CNTNAP2: variants seen among roughly 807,000 people sequenced by gnomAD.
CNTNAP2 encodes contactin-associated protein-like 2.
CNTNAP2 carries 98 observed loss-of-function variants against 155.2 expected under a neutral mutation model. The ratio of observed to expected loss-of-function variants is 0.63; its 90% CI spans 0.54 to 0.75. The LOEUF (loss-of-function observed/expected upper bound fraction) is 0.75, where lower values mean the gene tolerates loss of function less well. Among genes scored for constraint, CNTNAP2 ranks in the 30% least tolerant of loss-of-function variants. The pLI is 0.00. For missense variants in CNTNAP2, 1,727 were observed against 1,688.1 expected (o/e 1.02, Z -0.40); for synonymous variants, 651 against 631.2 (o/e 1.03, Z -0.47).
intron 10 of CNTNAP2, among the ~76,000 whole-genome samples, chr7:147,477,476 T>G (rs182001448): frequency 6.6e-6 from 1 of 152,262 alleles, no homozygotes; most frequent in East Asian, 1.9e-4. Context: ...CTTGGAGCAT[T>G]AAAATAGCTG....
At chr7:146,946,473 C>T (rs1797176337) in intron 3 of CNTNAP2, among the ~76,000 whole-genome samples, 1 of 151,618 alleles carries the variant, frequency 6.6e-6, no homozygotes, top group South Asian at 2.1e-4. Flanking sequence ...ATAAAGTATC[C>T]AAAACAAAAA....
chr7:147,256,627 C>A (rs1804334597), intron 8 of CNTNAP2, among the ~76,000 whole-genome samples: 1 of 152,024 alleles, frequency 6.6e-6, no homozygotes, highest in Non-Finnish European at 1.5e-5. Flanking sequence ...ACTAGGCATA[C>A]TTCATAAAAT....
At chr7:147,249,627 G>GAAAAAAAAAAAAAAAAAAAAAAAAAAA (rs1464227999) in intron 8 of CNTNAP2, among the ~76,000 whole-genome samples, 1 of 60,022 alleles carries the variant, frequency 1.7e-5, no homozygotes, top group African/African-American at 6.9e-5. Context: ...AAAAAAAAAG[G>GAAAAAAAAAAAAAAAAAAAAAAAAAAA]TTTCAGCACC....
At chr7:146,443,227 AAAT>A (rs1190907270) in intron 1 of CNTNAP2, among the ~76,000 whole-genome samples, 3 of 133,550 alleles carry the variant, frequency 2.2e-5, no homozygotes, top group South Asian at 2.2e-4. Flanking sequence ...ATAAATAAAT[AAAT>A]AATAAATAAA....
intron 1 of CNTNAP2, among the ~76,000 whole-genome samples, chr7:146,145,595 A>T (rs186003982): frequency 1.4e-4 from 22 of 152,296 alleles, no homozygotes; most frequent in African/African-American, 5.3e-4. Context: ...ATGGAGAAAT[A>T]AGAATTGTTT....
chr7:146,971,365 T>C (rs1467664358), intron 3 of CNTNAP2, among the ~76,000 whole-genome samples: 1 of 152,166 alleles, frequency 6.6e-6, no homozygotes, highest in Non-Finnish European at 1.5e-5. Flanking sequence ...AAGGCTTTCT[T>C]TTGAGGAAAA....
At position 148,043,178 on chromosome 7, in the gene CNTNAP2, A is replaced by G. The variant is rs888216756; in HGVS notation, c.2383+65189A>G. Among the ~76,000 whole-genome samples, 10 of 152,204 alleles carry G rather than the reference A, an allele frequency of 6.6e-5. 1 individual carries two copies. Among genetic ancestry groups the G allele is most frequent in the Admixed American group, 5.9e-4 (9 of 15,282 alleles). On this transcript the variant is annotated intron_variant, in intron 15 of 23. Transcript: ENST00000361727. Reference sequence around the variant, plus strand: ...CACAGTGTCACTAACTCAGAATTAAATATGTTGCTAAACCACTTTACAGCC... The same window carrying G: ...CACAGTGTCACTAACTCAGAATTAAGTATGTTGCTAAACCACTTTACAGCC...
chr7:147,171,306 C>T (rs1802221386), intron 8 of CNTNAP2, among the ~76,000 whole-genome samples: 1 of 152,158 alleles, frequency 6.6e-6, no homozygotes, highest in Non-Finnish European at 1.5e-5. Context: ...GGTATTTTCT[C>T]TCTGAAGATC....
chr7:147,862,652 C>A (rs1799156287), intron 13 of CNTNAP2, among the ~76,000 whole-genome samples: 1 of 151,992 alleles, frequency 6.6e-6, no homozygotes, highest in Non-Finnish European at 1.5e-5. Flanking sequence ...TACACACACA[C>A]ACATATACAC....
intron 20 of CNTNAP2, among the ~76,000 whole-genome samples, chr7:148,262,469 A>G (rs1796580231): frequency 6.6e-6 from 1 of 152,202 alleles, no homozygotes; most frequent in Non-Finnish European, 1.5e-5. Flanking sequence ...GGCTGAAGTC[A>G]ATCAGAAAGG....
At chr7:146,880,041 A>T (rs34851495) in intron 3 of CNTNAP2, among the ~76,000 whole-genome samples, 58,797 of 151,580 alleles carry the variant, frequency 0.39, 11,564 homozygotes, top group East Asian at 0.48. Flanking sequence ...GTGGGATACC[A>T]CTCCCATGAT....
chr7:148,145,599 G>T (rs906854645), intron 16 of CNTNAP2, among the ~76,000 whole-genome samples: 2 of 152,164 alleles, frequency 1.3e-5, no homozygotes, highest in Admixed American at 1.3e-4. Flanking sequence ...TTCTCTTGCT[G>T]TTCTGACAAC....
At chr7:147,823,235 T>A (rs1798389286) in intron 13 of CNTNAP2, among the ~76,000 whole-genome samples, 1 of 152,190 alleles carries the variant, frequency 6.6e-6, no homozygotes, top group East Asian at 1.9e-4. Flanking sequence ...GCAGCCACAG[T>A]TGCAGGAAAC....
chr7:146,654,540 ATAT>A (rs534315441), intron 1 of CNTNAP2, among the ~76,000 whole-genome samples: 10 of 152,296 alleles, frequency 6.6e-5, no homozygotes, highest in Middle Eastern at 6.8e-3. Context: ...ATTAAGAATA[ATAT>A]TATTTGTATC....
intron 21 of CNTNAP2, among the ~76,000 whole-genome samples, chr7:148,315,392 C>A (rs553447214): frequency 2.6e-4 from 40 of 151,858 alleles, no homozygotes; most frequent in Non-Finnish European, 2.1e-4. Flanking sequence ...TGTTCTCTGG[C>A]GGGCAGGAGT....
At chr7:147,124,962 C>A (rs1336634376) in intron 6 of CNTNAP2, among the ~76,000 whole-genome samples, 22 of 146,724 alleles carry the variant, frequency 1.5e-4, no homozygotes, top group Admixed American at 1.2e-3. Flanking sequence ...CTCACTGCAA[C>A]CTCCGCCTCC....
chr7:147,061,294 T>TA (rs1345009671), intron 4 of CNTNAP2, among the ~76,000 whole-genome samples: 1 of 152,146 alleles, frequency 6.6e-6, no homozygotes, highest in Non-Finnish European at 1.5e-5. Context: ...AAAATAAAAT[T>TA]AAAAAAATGA....
At chr7:146,762,768 C>G (rs1005051979) in intron 1 of CNTNAP2, among the ~76,000 whole-genome samples, 10 of 152,086 alleles carry the variant, frequency 6.6e-5, no homozygotes, top group African/African-American at 2.4e-4. Context: ...AGAGGAGGAG[C>G]AAAGTCATGT....
chr7:146,669,471 C>T (rs180963034), intron 1 of CNTNAP2, among the ~76,000 whole-genome samples: 1 of 152,260 alleles, frequency 6.6e-6, no homozygotes, highest in East Asian at 1.9e-4. Flanking sequence ...GTTATAACAT[C>T]AATTGCGTGT....
Sources: gnomAD v4.1 joint callset for allele counts (sites outside exome capture counted in the v4.1 genomes callset) on GRCh38, gnomAD v4.1.1 for gene constraint, MANE v1.5 for transcripts, NCBI Gene and HGNC (gene_info 2026-07-23, HGNC 2026-07-21) for gene names.